PLA2G15: variants seen among roughly 807,000 people sequenced by gnomAD.
PLA2G15 encodes lysosomal phospholipase A and acyltransferase.
Under a neutral mutation model 40.9 loss-of-function variants are expected in PLA2G15, and 20 were observed. That is an observed-to-expected ratio of 0.49 (90% CI 0.34 to 0.71). PLA2G15 has a LOEUF of 0.71. Among genes scored for constraint, PLA2G15 ranks in the 30% least tolerant of loss-of-function variants. The pLI is 0.01. For missense variants in PLA2G15, 471 were observed against 541.9 expected, an observed-to-expected ratio of 0.87 and a Z score of 1.30; for synonymous variants, 223 against 228.2, an observed-to-expected ratio of 0.98 and a Z score of 0.21.
chr16:68,249,324 G>A lies in PLA2G15; in HGVS notation c.162G>A (p.Lys54=). 1 of 1,614,174 alleles carries A rather than the reference G, an allele frequency of 6.2e-7. No homozygotes were observed. The highest frequency in any genetic ancestry group is 1.1e-5 in the South Asian group (1 of 91,084). ...ATTTGGGTAACCAACTGGAAGCCAAGCTGGACAAGCCGACAGTGGTGCACT... is the reference window on the plus strand; with the variant it reads ...ATTTGGGTAACCAACTGGAAGCCAAACTGGACAAGCCGACAGTGGTGCACT... ...PGDLGNQLEA[K]LDKPTVVHYL... Residue 54 remains lysine (K), a synonymous_variant, in exon 2 of 6, where the codon AAG becomes AAA. Coordinates refer to ENST00000219345, the MANE Select transcript of PLA2G15 (RefSeq NM_012320.4).
intron 5 of PLA2G15, among the ~76,000 whole-genome samples, chr16:68,257,106 C>T (rs1373265193): frequency 1.3e-5 from 2 of 151,764 alleles, no homozygotes; most frequent in African/African-American, 4.8e-5. Context: ...GTCTCTAACT[C>T]CTGACCTCAA....
chr16:68,250,405 G>T (rs2042346195), intron 2 of PLA2G15: 2 of 221,826 alleles, frequency 9.0e-6, no homozygotes, highest in Non-Finnish European at 1.8e-5. Context: ...CAAGTAGCTG[G>T]GACCACAGGC....
intron 5 of PLA2G15, among the ~76,000 whole-genome samples, chr16:68,258,164 G>T (rs1271434034): frequency 2.6e-5 from 4 of 152,196 alleles, no homozygotes; most frequent in African/African-American, 9.7e-5. Context: ...TCACATTCCT[G>T]TGTATAGGGA....
chr16:68,259,092 G>A lies in PLA2G15; in HGVS notation c.728-54G>A, dbSNP rs565051006. 12 of 1,528,668 alleles carry A rather than the reference G, an allele frequency of 7.8e-6. No individual in the cohort carries two copies. The South Asian group carries it at 1.1e-4, about 14-fold the overall frequency. The allele number at this position is 1,528,668 out of a possible 1,614,324, so 94.7% of individuals were successfully genotyped here. On this transcript the variant is annotated intron_variant, in intron 5 of 5. Transcript: ENST00000219345. The surrounding 1 kb of genome is among the most constrained non-coding windows in gnomAD (Gnocchi z 6.5). ...GCAGGGGCCTGGTGGTGAACATGCT[G>A]CCCAACCAGCTGGCATTCCTAAGCA...
intron 2 of PLA2G15, among the ~76,000 whole-genome samples, chr16:68,251,598 C>G (rs1236944310): frequency 6.6e-6 from 1 of 152,150 alleles, no homozygotes; most frequent in African/African-American, 2.4e-5. Flanking sequence ...AGGAGAAACG[C>G]TTGAACCTGG....
chr16:68,253,171 A>G (rs1181700623), intron 2 of PLA2G15, among the ~76,000 whole-genome samples: 1 of 151,930 alleles, frequency 6.6e-6, no homozygotes, highest in Non-Finnish European at 1.5e-5. Context: ...TCCATGGAGG[A>G]TGTGTTTGGA....
At chr16:68,249,499 G>A (rs2042336813) in intron 2 of PLA2G15, 53 bp downstream of exon 2, 3 of 1,529,822 alleles carry the variant, frequency 2.0e-6, no homozygotes, top group Non-Finnish European at 2.7e-6. Flanking sequence ...GTGCCTGAGA[G>A]GCCTCCAGAG....
intron 1 of PLA2G15, among the ~76,000 whole-genome samples, chr16:68,247,841 C>T (rs181999132): frequency 7.9e-5 from 12 of 152,290 alleles, no homozygotes; most frequent in Middle Eastern, 6.8e-3. Flanking sequence ...GGACCCTAAA[C>T]GGGGATGTGT....
At chr16:68,249,764 C>T (rs1315296999) in intron 2 of PLA2G15, among the ~76,000 whole-genome samples, 2 of 152,186 alleles carry the variant, frequency 1.3e-5, no homozygotes, top group African/African-American at 4.8e-5. Context: ...CTGCAACCTC[C>T]GTCTCCCAGG....
In PLA2G15 at chr16:68,259,977, C is replaced by T. The variant is rs758369727; in HGVS notation, c.*320C>T. ...CCAGTCCCTGCCTGGGGCCATGTGTCCCCCCTATTCCTGTGGGCTTTTCAT... is the reference window on the plus strand; with the variant it reads ...CCAGTCCCTGCCTGGGGCCATGTGTTCCCCCTATTCCTGTGGGCTTTTCAT... On this transcript the variant is annotated 3_prime_UTR_variant, in exon 6 of 6. Coordinates refer to ENST00000219345, the MANE Select transcript of PLA2G15 (RefSeq NM_012320.4). This position sits in a 1 kb window ranked among gnomAD's most constrained non-coding sequence, Gnocchi z 6.5. 5.1e-5 allele frequency: 20 copies of T among 393,244 alleles called. No homozygotes were observed. The highest frequency in any genetic ancestry group is 7.0e-5 in the Non-Finnish European group (15 of 213,870). The allele number at this position is 393,244 out of a possible 1,614,324, so 24.4% of individuals were successfully genotyped here.
At chr16:68,258,297 G>A (rs2042417135) in intron 5 of PLA2G15, among the ~76,000 whole-genome samples, 2 of 152,180 alleles carry the variant, frequency 1.3e-5, no homozygotes, top group Non-Finnish European at 2.9e-5. Flanking sequence ...CTGAGCTTAG[G>A]AAAAGAAAAA....
intron 2 of PLA2G15, chr16:68,252,632 G>T (rs2042365267): frequency 4.4e-6 from 2 of 455,664 alleles, no homozygotes; most frequent in Non-Finnish European, 8.8e-6. Context: ...CGTGTGTGGT[G>T]TTAGAAGCTG....
chr16:68,259,480 C>T lies in PLA2G15; in HGVS notation c.1062C>T (p.Ile354=), dbSNP rs1284611012. 1 of 1,613,386 alleles carries T rather than the reference C, an allele frequency of 6.2e-7. No individual in the cohort carries two copies. Among genetic ancestry groups the T allele is most frequent in the African/African-American group, 1.3e-5 (1 of 74,962 alleles). ...GCTTCCCTGACCGTGACCCTAAAAT[C>T]TGCTTTGGTGACGGCGATGGTACTG... ...YESFPDRDPK[I]CFGDGDGTVN... Residue 354 remains isoleucine, a synonymous_variant, in exon 6 of 6, where the codon ATC becomes ATT. Coordinates refer to ENST00000219345, the MANE Select transcript of PLA2G15 (RefSeq NM_012320.4). This position sits in a 1 kb window ranked among gnomAD's most constrained non-coding sequence, Gnocchi z 6.5.
chr16:68,252,451 T>G, intron 2 of PLA2G15: 2 of 413,380 alleles, frequency 4.8e-6, no homozygotes, highest in South Asian at 3.4e-5. Flanking sequence ...AAGGCTTTTC[T>G]CCTGGTATAA....
At chr16:68,247,666 T>C (rs555743913) in intron 1 of PLA2G15, among the ~76,000 whole-genome samples, 1 of 152,270 alleles carries the variant, frequency 6.6e-6, no homozygotes, top group African/African-American at 2.4e-5. Flanking sequence ...TCTGCACCCA[T>C]ACCATGAAGG....
intron 2 of PLA2G15, among the ~76,000 whole-genome samples, chr16:68,250,073 G>A (rs117958985): frequency 0.015 from 2,301 of 151,250 alleles, 14 homozygotes; most frequent in Non-Finnish European, 0.024. Context: ...TACCTCTCCA[G>A]CTGCTTATTC....
chr16:68,252,474 G>T (rs2042363287), intron 2 of PLA2G15: 6 of 450,146 alleles, frequency 1.3e-5, no homozygotes, highest in South Asian at 9.4e-5. Flanking sequence ...TGTCTCCCCT[G>T]GCCCATCACC....
chr16:68,255,334 G>A lies in PLA2G15; in HGVS notation c.456G>A (p.Arg152=), dbSNP rs1232805248. ...GCCTTGTGGGCTGGGGCTACACACG[G>A]GGTGAGGATGTCCGAGGGGCTCCCT... ...VESLVGWGYT[R]GEDVRGAPYD... Residue 152 remains arginine, a synonymous_variant, in exon 4 of 6, where the codon CGG becomes CGA. Coordinates refer to ENST00000219345, the MANE Select transcript of PLA2G15 (RefSeq NM_012320.4). This position sits in a 1 kb window ranked among gnomAD's most constrained non-coding sequence, Gnocchi z 5.9. The A allele has an allele frequency of 6.2e-7, 1 of 1,613,842 alleles. No individual in the cohort carries two copies. Among genetic ancestry groups the A allele is most frequent in the African/African-American group, 1.3e-5 (1 of 75,016 alleles).
Position 68,255,899 on chromosome 16 carries a change from G to A in PLA2G15, c.636G>A (p.Pro212=), listed in dbSNP as rs200965897. 39 of 1,613,816 alleles carry A rather than the reference G, an allele frequency of 2.4e-5. No individual in the cohort carries two copies. The highest frequency in any genetic ancestry group is 1.9e-4 in the African/African-American group (14 of 75,064). The change falls in exon 5 of 6, where the codon CCG becomes CCA. Residue 212 remains proline, a synonymous_variant. Coordinates refer to ENST00000219345, the MANE Select transcript of PLA2G15 (RefSeq NM_012320.4). The surrounding 1 kb of genome is among the most constrained non-coding windows in gnomAD (Gnocchi z 5.9). ...MYTLYFLQRQ[P]QAWKDKYIRA... is the part of the protein sequence containing the mutation. ...CGCTCTACTTTCTGCAGCGGCAGCC[G>A]CAGGCCTGGAAGGACAAGTATATCC...
Sources: allele counts gnomAD v4.1 joint callset (sites outside exome capture counted in the v4.1 genomes callset), GRCh38; gene constraint gnomAD v4.1.1; non-coding constraint Gnocchi (gnomAD v3.1); transcripts MANE v1.5; gene names NCBI Gene and HGNC (gene_info 2026-07-23, HGNC 2026-07-21).